Variants in SH3RF1 observed in about 807,000 individuals in gnomAD.
The protein encoded by SH3RF1 is E3 ubiquitin-protein ligase SH3RF1.
SH3RF1 carries 32 observed loss-of-function variants against 74.0 expected under a neutral mutation model. The observed-to-expected ratio is 0.43, with a 90% CI of 0.33 to 0.58. SH3RF1 has a LOEUF of 0.58. Ranked by LOEUF, SH3RF1 falls within the 20% of genes least tolerant of loss-of-function variation. SH3RF1 has a pLI of 0.05. For synonymous variants in SH3RF1, 396 were observed against 439.6 expected, an observed-to-expected ratio of 0.90 and a Z score of 1.24; for missense variants, 954 against 1,130.9, an observed-to-expected ratio of 0.84 and a Z score of 2.24.
At chr4:169,217,626 C>T (rs1464301462) in intron 2 of SH3RF1, among the ~76,000 whole-genome samples, 1 of 152,042 alleles carries the variant, frequency 6.6e-6, no homozygotes, top group Non-Finnish European at 1.5e-5. Flanking sequence ...AGGAATAAGG[C>T]AAAGGACTAC....
chr4:169,162,316 T>A (rs1429664421), intron 2 of SH3RF1, among the ~76,000 whole-genome samples: 1 of 152,234 alleles, frequency 6.6e-6, no homozygotes, highest in Admixed American at 6.5e-5. Flanking sequence ...TCTCAAGATA[T>A]CTACATCAGA....
At chr4:169,124,225 T>C (rs140569486) in intron 6 of SH3RF1, among the ~76,000 whole-genome samples, 157 of 152,304 alleles carry the variant, frequency 1.0e-3, no homozygotes, top group African/African-American at 3.6e-3. Flanking sequence ...AGAAAACTAA[T>C]GGCATGTGCT....
intron 2 of SH3RF1, among the ~76,000 whole-genome samples, chr4:169,165,638 G>T (rs58449595): frequency 3.0e-5 from 3 of 101,390 alleles, no homozygotes; most frequent in East Asian, 3.6e-4. Context: ...AAAAAAAGGC[G>T]GGGGGGGGAG....
At chr4:169,173,673 C>A (rs1416309063) in intron 2 of SH3RF1, among the ~76,000 whole-genome samples, 1 of 152,062 alleles carries the variant, frequency 6.6e-6, no homozygotes, top group East Asian at 1.9e-4. Context: ...AGCCTAAATA[C>A]CTTCCCTTAA....
rs545375746 is a variant in SH3RF1, at chr4:169,124,521, C to T, written c.1180-2255G>A. Among the ~76,000 whole-genome samples, 10 of 152,304 alleles carry T rather than the reference C, an allele frequency of 6.6e-5. No homozygotes were observed. The South Asian group carries it at 2.1e-3, about 32-fold the overall frequency. ...GAAAGATCCCAAAGGTTCTTCCTGA[C>T]AGAAAAGAGTTCTCTCTCACTTTCT... On this transcript the variant is annotated intron_variant, in intron 6 of 11. Transcript: ENST00000284637.
intron 11 of SH3RF1, among the ~76,000 whole-genome samples, chr4:169,102,915 C>CTTTTTTTTTTTT: frequency 1.5e-5 from 1 of 66,876 alleles, no homozygotes; most frequent in Non-Finnish European, 2.5e-5. Context: ...CAGTCACATT[C>CTTTTTTTTTTTT]TTTTTTTTTT....
intron 4 of SH3RF1, among the ~76,000 whole-genome samples, chr4:169,150,480 T>C (rs1733958386): frequency 6.6e-6 from 1 of 152,216 alleles, no homozygotes; most frequent in South Asian, 2.1e-4. Flanking sequence ...ATAGGTATCA[T>C]TTTTTGTGGT....
rs1469854878 is a variant in SH3RF1, at chr4:169,104,900, T to C, written c.2498+1947A>G. Among the ~76,000 whole-genome samples, 120 of 114,558 alleles carry C rather than the reference T, an allele frequency of 1.0e-3. 1 individual carries two copies. The highest frequency in any genetic ancestry group is 4.0e-3 in the African/African-American group (116 of 29,304). 75.2% of individuals were successfully genotyped at this position (114,558 alleles called of 152,430 possible). ...TGGGCAACAGAGTGAGACTCCCATC[T>C]CAAAAAAAAAAAAAAAAAATCATAA... On this transcript the variant is annotated intron_variant, in intron 11 of 11. Transcript: ENST00000284637.
chr4:169,123,242 GT>G (rs1004160729), intron 6 of SH3RF1, among the ~76,000 whole-genome samples: 1 of 151,826 alleles, frequency 6.6e-6, no homozygotes, highest in Non-Finnish European at 1.5e-5. Context: ...TCTTATTTCT[GT>G]TTTTTGGAAT....
rs187822219 is a variant in SH3RF1 at position 169,247,211 on chromosome 4, A to G, written c.393+21609T>C. 5.3e-5 allele frequency among the ~76,000 whole-genome samples: 8 copies of G among 152,350 alleles called. No individual in the cohort carries two copies. The East Asian group carries it at 1.3e-3, about 26-fold the overall frequency. ...GGAGAGGGTCAAGAAGAGGCAAACC[A>G]AAAGGGAAGAGGTGGGGAAAAGAGC... On this transcript the variant is annotated intron_variant, in intron 2 of 11. Transcript: ENST00000284637.
rs189194304 is a variant in SH3RF1 at position 169,128,146 on chromosome 4, T to C, written c.1179+1900A>G. Among the ~76,000 whole-genome samples the C allele has an allele frequency of 1.1e-4, 17 of 152,296 alleles. No individual in the cohort carries two copies. The South Asian group carries it at 2.7e-3, about 24-fold the overall frequency. ...CTTAAGAAATCAAGTTAGAATTTTA[T>C]CATGCAAGGCACTCATCTGGAAATG... is the stretch of plus-strand genomic sequence containing the variant. On this transcript the variant is annotated intron_variant, in intron 6 of 11. Transcript: ENST00000284637.
intron 2 of SH3RF1, among the ~76,000 whole-genome samples, chr4:169,209,892 C>T (rs1446697558): frequency 6.6e-6 from 1 of 152,082 alleles, no homozygotes; most frequent in Non-Finnish European, 1.5e-5. Context: ...CAGGCTCAAG[C>T]GATCCTCTCT....
At chr4:169,202,235 G>C (rs1318695894) in intron 2 of SH3RF1, among the ~76,000 whole-genome samples, 1 of 152,136 alleles carries the variant, frequency 6.6e-6, no homozygotes, top group Non-Finnish European at 1.5e-5. Flanking sequence ...AATAGTGTTA[G>C]TGCTTTGGCC....
chr4:169,121,428 C>T (rs1209788403), intron 7 of SH3RF1, among the ~76,000 whole-genome samples: 3 of 152,026 alleles, frequency 2.0e-5, no homozygotes, highest in Non-Finnish European at 4.4e-5. Flanking sequence ...CTTCTACACA[C>T]AAGCTGAACC....
rs893731409 is a variant in SH3RF1 at position 169,216,905 on chromosome 4, C to A, written c.393+51915G>T. On this transcript the variant is annotated intron_variant, in intron 2 of 11. Transcript: ENST00000284637. ...GTGGCTCATGCCTTTAATCCTAGCA[C>A]TTTGGGAGGCCGAGGCAGGCGGATC... 2.0e-5 allele frequency among the ~76,000 whole-genome samples: 3 copies of A among 149,766 alleles called. No homozygotes were observed. The South Asian group carries it at 6.3e-4, about 32-fold the overall frequency.
intron 2 of SH3RF1, among the ~76,000 whole-genome samples, chr4:169,181,694 T>G (rs149258054): frequency 7.2e-4 from 110 of 152,362 alleles, no homozygotes; most frequent in African/African-American, 2.5e-3. Context: ...TTTATGTGGA[T>G]AATTAATACA....
At chr4:169,144,668 C>A (rs1733842236) in intron 4 of SH3RF1, among the ~76,000 whole-genome samples, 1 of 152,046 alleles carries the variant, frequency 6.6e-6, no homozygotes, top group Non-Finnish European at 1.5e-5. Flanking sequence ...AGATAGAGAC[C>A]AACAGAGAAT....
chr4:169,215,398 T>A (rs547679962), intron 2 of SH3RF1, among the ~76,000 whole-genome samples: 2 of 152,340 alleles, frequency 1.3e-5, no homozygotes, highest in South Asian at 4.1e-4. Context: ...TGACAGATAT[T>A]GCAGTTCCTT....
At chr4:169,174,643 T>A (rs1324674795) in intron 2 of SH3RF1, among the ~76,000 whole-genome samples, 1 of 152,158 alleles carries the variant, frequency 6.6e-6, no homozygotes, top group African/African-American at 2.4e-5. Flanking sequence ...GATGATCTCA[T>A]CTATTTCCTT....
Sources: allele counts gnomAD v4.1 joint callset (sites outside exome capture counted in the v4.1 genomes callset), GRCh38; gene constraint gnomAD v4.1.1; transcripts MANE v1.5; gene names NCBI Gene and HGNC (gene_info 2026-07-23, HGNC 2026-07-21).